Variants in SPOCK1 observed in about 807,000 individuals in gnomAD.
SPOCK1 encodes testican-1.
A neutral mutation model predicts 55.3 loss-of-function variants in SPOCK1; 23 were observed. The ratio of observed to expected loss-of-function variants is 0.42; its 90% CI spans 0.30 to 0.59. SPOCK1 has a LOEUF of 0.59. Among genes scored for constraint, SPOCK1 ranks in the 20% least tolerant of loss-of-function variants. SPOCK1 has a pLI of 0.22. For missense variants in SPOCK1, 499 were observed against 552.5 expected, an observed-to-expected ratio of 0.90 and a Z score of 0.97; for synonymous variants, 226 against 221.0, an observed-to-expected ratio of 1.02 and a Z score of -0.20.
chr5:137,311,670 G>A (rs899835722), intron 2 of SPOCK1, among the ~76,000 whole-genome samples: 2 of 152,116 alleles, frequency 1.3e-5, no homozygotes, highest in Non-Finnish European at 2.9e-5. Flanking sequence ...TAAATATCAT[G>A]TATACTCTGA....
rs76553095 is a variant in SPOCK1, at chr5:137,485,346, G to A, written c.186+13027C>T. Among the ~76,000 whole-genome samples, 1,140 of 152,272 alleles carry A rather than the reference G, an allele frequency of 7.5e-3. 17 individuals carry two copies. The highest frequency in any genetic ancestry group is 0.026 in the African/African-American group (1,064 of 41,532). Reference sequence around the variant, plus strand: ...ATAAGGGTAGGCAAATGTCTGACACGTAATTGATACACTTTTGTTGAATTG... The same window carrying A: ...ATAAGGGTAGGCAAATGTCTGACACATAATTGATACACTTTTGTTGAATTG... On this transcript the variant is annotated intron_variant, in intron 2 of 10. Transcript: ENST00000394945.
intron 2 of SPOCK1, among the ~76,000 whole-genome samples, chr5:137,390,310 C>A (rs1355345328): frequency 6.6e-6 from 1 of 152,144 alleles, no homozygotes; most frequent in Non-Finnish European, 1.5e-5. Context: ...ACATTTGTTC[C>A]GTGGCTGCTA....
rs137974993 is a variant in SPOCK1 at position 137,073,422 on chromosome 5, A to G, written c.475-5593T>C. On this transcript the variant is annotated intron_variant, in intron 5 of 10. Coordinates refer to ENST00000394945, the MANE Select transcript of SPOCK1 (RefSeq NM_004598.4). ...GGAGGGTCAAGGAAAAAGGAAGCAC[A>G]AAGGCCCAGGGTAGAAGATTTTGAC... Among the ~76,000 whole-genome samples the G allele has an allele frequency of 1.1e-3, 168 of 152,328 alleles. 4 individuals carry two copies. In the Middle Eastern group the frequency reaches 0.027, roughly 25 times the overall value.
In SPOCK1 at chr5:137,127,954, T is replaced by C. The variant is rs143957520; in HGVS notation, c.347+12626A>G. Among the ~76,000 whole-genome samples, 429 of 152,352 alleles carry C rather than the reference T, an allele frequency of 2.8e-3. 4 individuals are homozygous for C. The highest frequency in any genetic ancestry group is 0.024 in the Middle Eastern group (7 of 294). On this transcript the variant is annotated intron_variant, in intron 4 of 10. Transcript: ENST00000394945. ...TTTGCATATGAAAAGGACATGAATTTAATGGGCGTCAGAGGAAGAATGCTA... is the reference window on the plus strand; with the variant it reads ...TTTGCATATGAAAAGGACATGAATTCAATGGGCGTCAGAGGAAGAATGCTA...
chr5:137,138,709 C>G (rs1424434356), intron 4 of SPOCK1, among the ~76,000 whole-genome samples: 3 of 150,320 alleles, frequency 2.0e-5, no homozygotes, highest in Non-Finnish European at 4.4e-5. Flanking sequence ...TAACCCCCCC[C>G]CCCCAAAAAA....
At chr5:137,018,604 C>G (rs1751497679) in intron 6 of SPOCK1, among the ~76,000 whole-genome samples, 1 of 152,098 alleles carries the variant, frequency 6.6e-6, no homozygotes, top group Non-Finnish European at 1.5e-5. Context: ...ACCCCTTCCC[C>G]CCATTAGTTA....
At position 137,175,838 on chromosome 5, in the gene SPOCK1, G is replaced by A. The variant is rs541433768; in HGVS notation, c.233-35144C>T. Among the ~76,000 whole-genome samples, 4 of 152,246 alleles carry A rather than the reference G, an allele frequency of 2.6e-5. No homozygotes were observed. The East Asian group carries it at 5.8e-4, about 22-fold the overall frequency. On this transcript the variant is annotated intron_variant, in intron 3 of 10. Coordinates refer to ENST00000394945, the MANE Select transcript of SPOCK1 (RefSeq NM_004598.4). ...CCACCATCCATTTAGACCTGTGCATGTGGGTACACCTCAGCACATGCAAAT... is the reference window on the plus strand; with the variant it reads ...CCACCATCCATTTAGACCTGTGCATATGGGTACACCTCAGCACATGCAAAT...
intron 3 of SPOCK1, among the ~76,000 whole-genome samples, chr5:137,232,251 T>G (rs1756077674): frequency 6.6e-6 from 1 of 152,216 alleles, no homozygotes; most frequent in Non-Finnish European, 1.5e-5. Context: ...GTGTCAAGTC[T>G]GAATTCTTTG....
intron 2 of SPOCK1, among the ~76,000 whole-genome samples, chr5:137,278,710 C>A (rs757688654): frequency 6.6e-6 from 1 of 152,162 alleles, no homozygotes; most frequent in Non-Finnish European, 1.5e-5. Context: ...CAGAAAGATG[C>A]CTGATAGAAA....
At chr5:137,333,646 G>A (rs182936512) in intron 2 of SPOCK1, among the ~76,000 whole-genome samples, 3 of 152,338 alleles carry the variant, frequency 2.0e-5, no homozygotes, top group South Asian at 2.1e-4. Flanking sequence ...AGATCCTTCA[G>A]AATTCAAGTG....
At chr5:137,370,888 T>C (rs1751187258) in intron 2 of SPOCK1, among the ~76,000 whole-genome samples, 1 of 152,290 alleles carries the variant, frequency 6.6e-6, no homozygotes, top group African/African-American at 2.4e-5. Context: ...CTCAGGTCCA[T>C]GAATGCATCG....
chr5:137,342,444 T>C (rs897428051), intron 2 of SPOCK1, among the ~76,000 whole-genome samples: 1 of 152,214 alleles, frequency 6.6e-6, no homozygotes, highest in African/African-American at 2.4e-5. Flanking sequence ...ATTCATTTGG[T>C]AGCCCAGCCA....
intron 2 of SPOCK1, among the ~76,000 whole-genome samples, chr5:137,364,508 C>T (rs1271388646): frequency 1.3e-5 from 2 of 152,168 alleles, no homozygotes; most frequent in African/African-American, 4.8e-5. Context: ...GAGCTTTTTG[C>T]ATGAGGGTCC....
chr5:137,425,591 T>A (rs1423686488), intron 2 of SPOCK1, among the ~76,000 whole-genome samples: 3 of 152,198 alleles, frequency 2.0e-5, no homozygotes, highest in Non-Finnish European at 4.4e-5. Flanking sequence ...CACGCCAGTG[T>A]CTGGATGCTG....
intron 2 of SPOCK1, among the ~76,000 whole-genome samples, chr5:137,448,465 G>T (rs1753177268): frequency 6.6e-6 from 1 of 152,040 alleles, no homozygotes; most frequent in Non-Finnish European, 1.5e-5. Context: ...ACTGTGAAGT[G>T]CAACCCCAGA....
chr5:137,387,523 T>C (rs917470122), intron 2 of SPOCK1, among the ~76,000 whole-genome samples: 1 of 152,168 alleles, frequency 6.6e-6, no homozygotes, highest in Non-Finnish European at 1.5e-5. Context: ...TATTTCTAAA[T>C]GAAAGAAGCC....
At chr5:137,246,671 T>C (rs529167343) in intron 3 of SPOCK1, among the ~76,000 whole-genome samples, 2 of 152,300 alleles carry the variant, frequency 1.3e-5, no homozygotes, top group East Asian at 3.9e-4. Context: ...TGAGGGGTCT[T>C]CACCCTTGGA....
intron 2 of SPOCK1, among the ~76,000 whole-genome samples, chr5:137,419,204 C>A (rs1242041438): frequency 6.6e-6 from 1 of 152,104 alleles, no homozygotes; most frequent in Non-Finnish European, 1.5e-5. Flanking sequence ...GTTACTGTAG[C>A]CTTGTAGTAT....
At chr5:136,979,518 T>C in intron 9 of SPOCK1, 49 bp from the exon 10 acceptor site, 2 of 1,597,040 alleles carry the variant, frequency 1.3e-6, no homozygotes, top group Non-Finnish European at 1.7e-6. Context: ...CAGATGATAC[T>C]CGGGGTTAAT....
Sources: gnomAD v4.1 joint callset for allele counts (sites outside exome capture counted in the v4.1 genomes callset) on GRCh38, gnomAD v4.1.1 for gene constraint, MANE v1.5 for transcripts, NCBI Gene and HGNC (gene_info 2026-07-23, HGNC 2026-07-21) for gene names.